Variants in RIMBP2 observed in about 807,000 individuals in gnomAD.
The protein encoded by RIMBP2 is RIMS-binding protein 2.
In RIMBP2, 48 loss-of-function variants were observed where a neutral mutation model predicts 118.6. That is an observed-to-expected ratio of 0.40 (90% confidence interval 0.32 to 0.51). The LOEUF is 0.51. Ranked by LOEUF, RIMBP2 falls within the 20% of genes least tolerant of loss-of-function variation. The probability of loss-of-function intolerance (pLI) is 0.41; values close to 1 mark genes in which losing one functional copy is unlikely to be tolerated. For missense variants in RIMBP2, 1,551 were observed against 1,768.3 expected, an observed-to-expected ratio of 0.88 and a Z score of 2.20; for synonymous variants, 762 against 742.9, an observed-to-expected ratio of 1.03 and a Z score of -0.42.
At position 130,623,354 on chromosome 12, in the gene RIMBP2, T is replaced by C. The variant is rs2061434608; in HGVS notation, c.-217+4968A>G. On this transcript the variant is annotated intron_variant, in intron 2 of 22. Transcript: ENST00000690449. The surrounding 1 kb of genome is among the most constrained non-coding windows in gnomAD (Gnocchi z 4.1). The stretch of plus-strand genomic sequence containing the variant: ...GTTTGCTGCACCCATCAGCCTGTCA[T>C]CTAGGTTTTAAGCCCCACAAGTATT... Among the ~76,000 whole-genome samples, 1 of 152,138 alleles carries C rather than the reference T, an allele frequency of 6.6e-6. No homozygotes were observed. Among genetic ancestry groups the C allele is most frequent in the African/African-American group, 2.4e-5 (1 of 41,432 alleles).
chr12:130,439,973 G>T (rs1203628701), intron 11 of RIMBP2, among the ~76,000 whole-genome samples: 2 of 151,496 alleles, frequency 1.3e-5, no homozygotes, highest in African/African-American at 2.4e-5. Context: ...GTAGGGATGT[G>T]TGTGTGTGGG....
rs1335136380 is a variant in RIMBP2 at position 130,456,551 on chromosome 12, G to A, written c.303C>T (p.Ala101=). Residue 101 remains alanine, a synonymous_variant, in exon 7 of 23, where the codon GCC becomes GCT. Coordinates refer to ENST00000690449, the MANE Select transcript of RIMBP2 (RefSeq NM_001393629.1). ...SAVAPLDIST[A]PSKPFPQFMN... ...TGAACTGTGGGAAAGGCTTGCTGGG[G>A]GCCGTGGAGATGTCCAGGGGGGCCA... is the stretch of plus-strand genomic sequence containing the variant. 1 of 1,611,048 alleles carries A rather than the reference G, an allele frequency of 6.2e-7. No homozygotes were observed. Among genetic ancestry groups the A allele is most frequent in the Non-Finnish European group, 8.5e-7 (1 of 1,177,830 alleles).
At position 130,543,942 on chromosome 12, in the gene RIMBP2, G is replaced by T. The variant is rs1298997512; in HGVS notation, c.-216-26025C>A. Among the ~76,000 whole-genome samples, 4 of 152,124 alleles carry T rather than the reference G, an allele frequency of 2.6e-5. No individual in the cohort carries two copies. The East Asian group carries it at 7.7e-4, about 29-fold the overall frequency. On this transcript the variant is annotated intron_variant, in intron 2 of 22. Transcript: ENST00000690449. ...ATTTAATAGAATGTTTCTCTTGAAG[G>T]TATTTGGTAGGATTGTCACCGTTTT...
intron 6 of RIMBP2, among the ~76,000 whole-genome samples, chr12:130,463,433 G>C (rs1306979645): frequency 6.6e-6 from 1 of 152,136 alleles, no homozygotes; most frequent in East Asian, 1.9e-4. Context: ...AACAGCAGAG[G>C]CTCGCAAATG....
chr12:130,407,698 G>T, intron 20 of RIMBP2, 28 bp downstream of exon 20: 1 of 1,563,716 alleles, frequency 6.4e-7, no homozygotes, highest in Non-Finnish European at 8.8e-7. Flanking sequence ...GGTTGTGTCC[G>T]TCATGAAGTG....
In RIMBP2 at chr12:130,711,103, C is replaced by T. The variant is rs1949886418; in HGVS notation, c.-352+5119G>A. Reference sequence around the variant, plus strand: ...ATTAAAAATACAAAACTTAGCCGGGCGTGGTAGCCCACGCCTGTAATCCTA... The same window carrying T: ...ATTAAAAATACAAAACTTAGCCGGGTGTGGTAGCCCACGCCTGTAATCCTA... On this transcript the variant is annotated intron_variant, in intron 1 of 22. Coordinates refer to ENST00000690449, the MANE Select transcript of RIMBP2 (RefSeq NM_001393629.1). Among the ~76,000 whole-genome samples the T allele has an allele frequency of 2.6e-5, 4 of 152,128 alleles. No individual in the cohort carries two copies. The South Asian group carries it at 6.2e-4, about 24-fold the overall frequency.
intron 1 of RIMBP2, among the ~76,000 whole-genome samples, chr12:130,705,007 T>C (rs2066032693): frequency 1.3e-5 from 2 of 152,118 alleles, no homozygotes; most frequent in African/African-American, 4.8e-5. Flanking sequence ...TCTTCTCTCA[T>C]AGATCTAGAG....
chr12:130,668,845 T>G (rs1294469579), intron 1 of RIMBP2, among the ~76,000 whole-genome samples: 1 of 152,202 alleles, frequency 6.6e-6, no homozygotes. Context: ...GCTCTGGTTC[T>G]CTCTCTCTTT....
intron 1 of RIMBP2, among the ~76,000 whole-genome samples, chr12:130,637,681 T>C (rs530583999): frequency 6.6e-6 from 1 of 152,330 alleles, no homozygotes; most frequent in East Asian, 1.9e-4. Flanking sequence ...GAACCAACCC[T>C]GATGCCTAAC....
intron 1 of RIMBP2, among the ~76,000 whole-genome samples, chr12:130,714,454 G>C (rs1950186197): frequency 6.6e-6 from 1 of 152,238 alleles, no homozygotes; most frequent in Non-Finnish European, 1.5e-5. Context: ...CCCGGGGAGG[G>C]CTGCGTGGCG....
intron 1 of RIMBP2, among the ~76,000 whole-genome samples, chr12:130,709,034 G>C (rs956579456): frequency 2.6e-5 from 4 of 152,274 alleles, no homozygotes; most frequent in African/African-American, 9.6e-5. Flanking sequence ...GCCGCAGAAG[G>C]GCTGTGTCAT....
chr12:130,647,565 A>C (rs1362306119), intron 1 of RIMBP2, among the ~76,000 whole-genome samples: 1 of 144,768 alleles, frequency 6.9e-6, no homozygotes, highest in Admixed American at 7.0e-5. Flanking sequence ...CTGAGCTCTG[A>C]GCACCAGTCT....
chr12:130,655,460 G>C (rs2063386114), intron 1 of RIMBP2, among the ~76,000 whole-genome samples: 1 of 152,200 alleles, frequency 6.6e-6, no homozygotes, highest in Non-Finnish European at 1.5e-5. Flanking sequence ...CCAAGGAGGG[G>C]TGGGCAGGGC....
rs2076651748 is a variant in RIMBP2 at position 130,424,626 on chromosome 12, G to C, written c.2645C>G (p.Ser882Cys). 1 of 1,231,802 alleles carries C rather than the reference G, an allele frequency of 8.1e-7. No homozygotes were observed. The highest frequency in any genetic ancestry group is 1.0e-6 in the Non-Finnish European group (1 of 987,836). The allele number at this position is 1,231,802 out of a possible 1,614,324, so 76.3% of individuals were successfully genotyped here. ...GCCCCTGTGCTTCACCGGGAACCAG[G>C]AGCCCCGAGGGGCCTCGTCGCCCCT... Reference protein sequence around the residue: ...PYRGDEAPRGSWFPVKHRGSG... With the variant: ...PYRGDEAPRGCWFPVKHRGSG... The change falls in exon 16 of 23, where the codon TCC (serine) becomes TGC (cysteine). Residue 882 changes from serine (S) to cysteine (C), a missense_variant. Physicochemically the swap from Ser to Cys is moderately radical, Grantham distance 112. Coordinates refer to ENST00000690449, the MANE Select transcript of RIMBP2 (RefSeq NM_001393629.1). This position sits in a 1 kb window ranked among gnomAD's most constrained non-coding sequence, Gnocchi z 9.8.
At chr12:130,598,209 C>G (rs2059664515) in intron 2 of RIMBP2, among the ~76,000 whole-genome samples, 1 of 152,132 alleles carries the variant, frequency 6.6e-6, no homozygotes, top group African/African-American at 2.4e-5. Context: ...GAAAATAACA[C>G]AATATTGCTG....
intron 19 of RIMBP2, 132 bp from the exon 20 acceptor site, chr12:130,407,961 G>T: frequency 1.3e-6 from 1 of 751,696 alleles, no homozygotes; most frequent in Non-Finnish European, 2.3e-6. Context: ...ACGTGCTCCT[G>T]GGCACTCACA....
chr12:130,438,335 A>ACCGGGGGGCCCCCCCCCCCCC, intron 12 of RIMBP2, 30 bp downstream of exon 12: 1 of 865,014 alleles, frequency 1.2e-6, no homozygotes, highest in Non-Finnish European at 1.9e-6. Context: ...GGCCTAACAA[A>ACCGGGGGGCCCCCCCCCCCCC]CCCTCCCCAC....
chr12:130,528,418 G>A (rs1307902608), intron 2 of RIMBP2, among the ~76,000 whole-genome samples: 1 of 152,158 alleles, frequency 6.6e-6, no homozygotes, highest in East Asian at 1.9e-4. Flanking sequence ...CATGGACATA[G>A]GGAGGGGAAC....
intron 4 of RIMBP2, among the ~76,000 whole-genome samples, chr12:130,485,825 A>G (rs1361000617): frequency 6.6e-6 from 1 of 152,126 alleles, no homozygotes; most frequent in Non-Finnish European, 1.5e-5. Context: ...CAGTGAGATG[A>G]GGGTTTATAG....
Sources: allele counts gnomAD v4.1 joint callset (sites outside exome capture counted in the v4.1 genomes callset), GRCh38; gene constraint gnomAD v4.1.1; non-coding constraint Gnocchi (gnomAD v3.1); transcripts MANE v1.5; gene names NCBI Gene and HGNC (gene_info 2026-07-23, HGNC 2026-07-21).